Variants in MGAT4C observed in about 807,000 individuals in gnomAD.
MGAT4C encodes MGAT4 family member C, also known as alpha-1,3-mannosyl-glycoprotein 4-beta-N-acetylglucosaminyltransferase C.
In MGAT4C, 19 loss-of-function variants were observed where a neutral mutation model predicts 40.1. The observed-to-expected ratio is 0.47, with a 90% CI of 0.33 to 0.70. The LOEUF is 0.70. MGAT4C is among the 30% of genes least tolerant of loss of function. The pLI is 0.02. For missense variants in MGAT4C, 491 were observed against 563.2 expected, an observed-to-expected ratio of 0.87 and a Z score of 1.30; for synonymous variants, 181 against 187.1, an observed-to-expected ratio of 0.97 and a Z score of 0.27.
intron 2 of MGAT4C, among the ~76,000 whole-genome samples, chr12:86,696,766 A>C (rs1462164728): frequency 6.6e-6 from 1 of 152,210 alleles, no homozygotes; most frequent in Non-Finnish European, 1.5e-5. Flanking sequence ...ATGTGGCATT[A>C]TGATTAATTA....
chr12:86,416,247 A>G (rs924872808), intron 3 of MGAT4C, among the ~76,000 whole-genome samples: 1 of 152,024 alleles, frequency 6.6e-6, no homozygotes, highest in Non-Finnish European at 1.5e-5. Context: ...GCTGAGATGG[A>G]AAAAATGTGA....
At chr12:86,566,013 C>T (rs1960079697) in intron 2 of MGAT4C, among the ~76,000 whole-genome samples, 2 of 152,158 alleles carry the variant, frequency 1.3e-5, no homozygotes. Context: ...ATATGGCACC[C>T]TATCTTGGGG....
At chr12:86,673,832 A>C (rs1055456889) in intron 2 of MGAT4C, among the ~76,000 whole-genome samples, 3 of 152,126 alleles carry the variant, frequency 2.0e-5, no homozygotes, top group Non-Finnish European at 2.9e-5. Context: ...AGAAAAAAAA[A>C]CATTATCAAT....
intron 3 of MGAT4C, among the ~76,000 whole-genome samples, chr12:86,346,946 T>C (rs189260684): frequency 8.0e-4 from 122 of 152,298 alleles, no homozygotes; most frequent in African/African-American, 2.8e-3. Flanking sequence ...TTCCTGCCCT[T>C]GAACATTAGA....
intron 2 of MGAT4C, among the ~76,000 whole-genome samples, chr12:86,647,141 A>G: frequency 6.6e-6 from 1 of 151,878 alleles, no homozygotes; most frequent in East Asian, 1.9e-4. Flanking sequence ...TCCCCTGCTG[A>G]CCTACAAGCT....
chr12:86,614,783 GT>G (rs1962397440), intron 2 of MGAT4C, among the ~76,000 whole-genome samples: 1 of 151,968 alleles, frequency 6.6e-6, no homozygotes, highest in African/African-American at 2.4e-5. Context: ...TCACTGTGGA[GT>G]TTATGAAGTT....
At chr12:86,516,541 T>G (rs1472522366) in intron 2 of MGAT4C, among the ~76,000 whole-genome samples, 1 of 152,128 alleles carries the variant, frequency 6.6e-6, no homozygotes, top group Non-Finnish European at 1.5e-5. Context: ...GAGTCCATTT[T>G]CTTGACCTTG....
chr12:86,083,976 C>T (rs545528576), intron 1 of MGAT4C, among the ~76,000 whole-genome samples: 2 of 151,912 alleles, frequency 1.3e-5, no homozygotes, highest in South Asian at 4.1e-4. Flanking sequence ...CTCCCATGGA[C>T]CCCAAAAAAG....
intron 2 of MGAT4C, 77 bp downstream of exon 2, chr12:86,049,597 C>G: frequency 1.4e-6 from 1 of 738,768 alleles, no homozygotes; most frequent in Non-Finnish European, 1.7e-6. Context: ...GACAATTTTA[C>G]TTATTAAATA....
chr12:86,822,785 A>G (rs1006803181), intron 1 of MGAT4C, among the ~76,000 whole-genome samples: 31 of 151,332 alleles, frequency 2.0e-4, no homozygotes, highest in African/African-American at 6.5e-4. Context: ...TCAGTAGATG[A>G]CTTGAACAAC....
At chr12:86,278,223 A>G (rs1352731027) in intron 4 of MGAT4C, among the ~76,000 whole-genome samples, 1 of 99,742 alleles carries the variant, frequency 1.0e-5, no homozygotes, top group Non-Finnish European at 1.9e-5. Flanking sequence ...CTTGTTGCCC[A>G]GGCTGCAGTT....
intron 2 of MGAT4C, among the ~76,000 whole-genome samples, chr12:86,562,732 C>T (rs752246433): frequency 6.6e-6 from 1 of 152,048 alleles, no homozygotes; most frequent in Non-Finnish European, 1.5e-5. Flanking sequence ...AAAACAACTG[C>T]TTGAGTTTTC....
intron 2 of MGAT4C, among the ~76,000 whole-genome samples, chr12:86,499,139 G>C (rs895262635): frequency 6.6e-6 from 1 of 151,722 alleles, no homozygotes; most frequent in African/African-American, 2.4e-5. Flanking sequence ...TTAATCAACT[G>C]TTTATGTTAT....
At chr12:86,036,190 G>A (rs7486394) in intron 2 of MGAT4C, among the ~76,000 whole-genome samples, 25,069 of 149,664 alleles carry the variant, frequency 0.17, 4,298 homozygotes, top group African/African-American at 0.39. Flanking sequence ...TCACGAAATT[G>A]ATTCTTCCTC....
At chr12:86,626,762 A>G (rs1259995302) in intron 2 of MGAT4C, among the ~76,000 whole-genome samples, 1 of 152,230 alleles carries the variant, frequency 6.6e-6, no homozygotes, top group Admixed American at 6.5e-5. Flanking sequence ...CCAAGGTGGC[A>G]GAATAGGAAT....
At chr12:86,166,611 G>T (rs564001908) in intron 1 of MGAT4C, among the ~76,000 whole-genome samples, 106 of 152,286 alleles carry the variant, frequency 7.0e-4, no homozygotes, top group African/African-American at 2.4e-3. Context: ...GTCAGAGGTT[G>T]CAGTGAGATG....
At chr12:86,377,679 A>AT (rs769308348) in intron 3 of MGAT4C, among the ~76,000 whole-genome samples, 1 of 152,154 alleles carries the variant, frequency 6.6e-6, no homozygotes, top group African/African-American at 2.4e-5. Flanking sequence ...TTTTCTACAT[A>AT]TTTTTAATGT....
intron 1 of MGAT4C, among the ~76,000 whole-genome samples, chr12:86,223,089 T>C (rs901510727): frequency 6.6e-6 from 1 of 152,182 alleles, no homozygotes; most frequent in African/African-American, 2.4e-5. Flanking sequence ...CAGGTGCACC[T>C]TGCTACTATT....
chr12:86,836,550 T>C (rs556022823), intron 1 of MGAT4C, among the ~76,000 whole-genome samples: 6 of 152,166 alleles, frequency 3.9e-5, no homozygotes, highest in African/African-American at 1.4e-4. Context: ...AAGTAAGTTT[T>C]AGTACTAAAC....
Sources: allele counts gnomAD v4.1 joint callset (sites outside exome capture counted in the v4.1 genomes callset), GRCh38; gene constraint gnomAD v4.1.1; transcripts MANE v1.5; gene names NCBI Gene and HGNC (gene_info 2026-07-23, HGNC 2026-07-21).